The following KIF24 variants were observed in gnomAD, a reference collection of about 807,000 sequenced individuals.
KIF24 encodes kinesin family member 24.
In KIF24, 81 loss-of-function variants were observed where a neutral mutation model predicts 118.9. The observed-to-expected ratio is 0.68, with a 90% CI of 0.57 to 0.82. KIF24 has a LOEUF of 0.82. KIF24 is among the 40% of genes least tolerant of loss of function. KIF24 has a pLI of 0.00. For missense variants in KIF24, 1,560 were observed against 1,661.6 expected, an observed-to-expected ratio of 0.94 and a Z score of 1.06; for synonymous variants, 599 against 610.0, an observed-to-expected ratio of 0.98 and a Z score of 0.27.
intron 3 of KIF24, among the ~76,000 whole-genome samples, chr9:34,305,078 A>T (rs7042250): frequency 0.22 from 34,117 of 151,884 alleles, 4,476 homozygotes; most frequent in East Asian, 0.61. Context: ...CAATTTTAGG[A>T]GTACCTAAAT....
In KIF24 at chr9:34,257,894, A is replaced by T; in HGVS notation, c.1713T>A (p.Ile571=). The change falls in exon 11 of 13, where the codon ATT becomes ATA. Residue 571 remains isoleucine, a synonymous_variant. Transcript: ENST00000402558. ...CTGACAAAGCCCCAGGGGAGCTCTG[A>T]ATTCGTTTTGGAGAGGAGTTTCCAG... The part of the protein sequence containing the change: ...RTSGNSSPKR[I]QSSPGALSED... The T allele has an allele frequency of 6.2e-7, 1 of 1,613,982 alleles. No individual in the cohort carries two copies. The highest frequency in any genetic ancestry group is 8.5e-7 in the Non-Finnish European group (1 of 1,179,876).
intron 4 of KIF24, among the ~76,000 whole-genome samples, chr9:34,296,759 T>A (rs967970234): frequency 2.0e-5 from 3 of 152,020 alleles, no homozygotes; most frequent in African/African-American, 7.2e-5. Flanking sequence ...TTTCACTATC[T>A]ATCACAATAT....
At chr9:34,260,045 T>C (rs1834998796) in intron 9 of KIF24, among the ~76,000 whole-genome samples, 1 of 152,130 alleles carries the variant, frequency 6.6e-6, no homozygotes, top group Non-Finnish European at 1.5e-5. Context: ...GAGGGCAGTT[T>C]GGCAATATGT....
chr9:34,322,377 T>G (rs1837552747), intron 1 of KIF24, among the ~76,000 whole-genome samples: 1 of 144,778 alleles, frequency 6.9e-6, no homozygotes, highest in Non-Finnish European at 1.5e-5. Context: ...TAATGATCAC[T>G]TTTTTTTTTA....
chr9:34,318,635 T>C lies in KIF24; in HGVS notation c.-25-7264A>G, dbSNP rs1837408872. 10 of 1,532,142 alleles carry C rather than the reference T, an allele frequency of 6.5e-6. No homozygotes were observed. Among genetic ancestry groups the C allele is most frequent in the Admixed American group, 1.8e-5 (1 of 56,840 alleles). 94.9% of individuals were successfully genotyped at this position (1,532,142 alleles called of 1,614,324 possible). A position where few individuals can be genotyped will look rare whatever the true frequency, so the allele number is the denominator to read the frequency against. On this transcript the variant is annotated intron_variant, in intron 1 of 12. Transcript: ENST00000402558. This position sits in a 1 kb window ranked among gnomAD's most constrained non-coding sequence, Gnocchi z 4.9. ...GTCGCCCGTGGTGGTGGCCTCGTCG[T>C]TGGGGCTCGTGTCGCTGGGCGGCAA... is the stretch of plus-strand genomic sequence containing the variant.
In KIF24 at chr9:34,311,185, G is replaced by C; in HGVS notation, c.162C>G (p.Leu54=). The C allele has an allele frequency of 6.2e-7, 1 of 1,613,498 alleles. No homozygotes were observed. Residue 54 remains leucine, a synonymous_variant, in exon 2 of 13, where the codon CTC becomes CTG. Coordinates refer to ENST00000402558, the MANE Select transcript of KIF24 (RefSeq NM_194313.4). ...GVHDMNDRKR[L]FQLIKIIKIM... ...TCTTAATAATTTTGATAAGTTGGAAGAGACGTTTGCGGTCGTTCATGTCAT... is the reference window on the plus strand; with the variant it reads ...TCTTAATAATTTTGATAAGTTGGAACAGACGTTTGCGGTCGTTCATGTCAT...
upstream of KIF24, among the ~76,000 whole-genome samples, chr9:34,330,776 A>C (rs1837898470): frequency 6.6e-6 from 1 of 152,076 alleles, no homozygotes; most frequent in South Asian, 2.1e-4. Context: ...CCTGGCTGAC[A>C]CGGTGAAACC....
At chr9:34,290,416 T>A in intron 4 of KIF24, 27 bp from the exon 5 acceptor site, 5 of 1,363,542 alleles carry the variant, frequency 3.7e-6, no homozygotes, top group Non-Finnish European at 5.2e-6. Context: ...TTGCATTACT[T>A]ATGCATATTA....
intron 1 of KIF24, among the ~76,000 whole-genome samples, chr9:34,327,846 A>AATAAT (rs1554668269): frequency 6.7e-6 from 1 of 149,592 alleles, no homozygotes; most frequent in Non-Finnish European, 1.5e-5. Context: ...AATAAAAAAA[A>AATAAT]AATAATAATA....
Position 34,255,726 on chromosome 9 carries a change from C to A in KIF24, c.3872+9G>T. Reference sequence around the variant, plus strand: ...GGGGCTCAAGTCTTAGGGAAAGTGTCCAACTTACTGCGCTTGCTCCAGGGT... The same window carrying A: ...GGGGCTCAAGTCTTAGGGAAAGTGTACAACTTACTGCGCTTGCTCCAGGGT... On this transcript the variant is annotated intron_variant, in intron 11 of 12. Coordinates refer to ENST00000402558, the MANE Select transcript of KIF24 (RefSeq NM_194313.4). 6.3e-7 allele frequency: 1 copy of A among 1,599,280 alleles called. No homozygotes were observed. The highest frequency in any genetic ancestry group is 1.3e-5 in the African/African-American group (1 of 74,838).
chr9:34,328,999 A>T (rs1339455336), intron 1 of KIF24, among the ~76,000 whole-genome samples, 107 bp downstream of exon 1: 3 of 152,242 alleles, frequency 2.0e-5, no homozygotes, highest in Non-Finnish European at 4.4e-5. Flanking sequence ...CACAACTGCC[A>T]GTTTCCTCCC....
chr9:34,267,301 G>A (rs1346829776), intron 8 of KIF24, among the ~76,000 whole-genome samples: 1 of 152,002 alleles, frequency 6.6e-6, no homozygotes, highest in Admixed American at 6.6e-5. Context: ...AAAAATAAAG[G>A]CTGAAAGGAA....
chr9:34,319,730 G>A, intron 1 of KIF24: 1 of 658,680 alleles, frequency 1.5e-6, no homozygotes, highest in Non-Finnish European at 2.8e-6. Flanking sequence ...TGGGATTCGG[G>A]GGAGGTGAGG....
chr9:34,256,136 T>A lies in KIF24; in HGVS notation c.3471A>T (p.Arg1157Ser), dbSNP rs1489852905. ...GTTCGTGGGAGAAAAGTACAGTCTC[T>A]CTGCTCTGGCAGGCCTCTCCTAGGT... The part of the protein sequence containing the change: ...EADLGEACQS[R>S]ETVLFSHEHM... The change falls in exon 11 of 13, where the codon AGA (arginine) becomes AGT (serine). Residue 1157 changes from arginine to serine, a missense_variant. This residue lies in a region of KIF24 where 591 missense variants were observed against 655.6 expected (regional missense o/e 0.90). Transcript: ENST00000402558. The A allele has an allele frequency of 1.2e-6, 2 of 1,608,096 alleles. No homozygotes were observed. The highest frequency in any genetic ancestry group is 1.7e-6 in the Non-Finnish European group (2 of 1,175,332).
intron 1 of KIF24, among the ~76,000 whole-genome samples, chr9:34,326,763 T>TAA (rs1455533185): frequency 1.3e-5 from 2 of 152,154 alleles, no homozygotes; most frequent in East Asian, 3.8e-4. Context: ...CTGGGCCACA[T>TAA]AAAAGTGTCT....
At chr9:34,269,214 C>T in intron 8 of KIF24, 43 bp downstream of exon 8, 1 of 1,215,612 alleles carries the variant, frequency 8.2e-7, no homozygotes, top group Non-Finnish European at 1.2e-6. Flanking sequence ...AATGGGCAGT[C>T]TTTCAAGAAG....
intron 7 of KIF24, among the ~76,000 whole-genome samples, chr9:34,270,104 C>A (rs1351881740): frequency 6.6e-6 from 1 of 151,970 alleles, no homozygotes; most frequent in Admixed American, 6.6e-5. Flanking sequence ...TGCCTGTAGT[C>A]CCAGCTACTT....
chr9:34,308,941 G>C (rs566815705), intron 2 of KIF24, among the ~76,000 whole-genome samples: 7 of 152,046 alleles, frequency 4.6e-5, no homozygotes, highest in Non-Finnish European at 8.8e-5. Context: ...ATTAGCTGGG[G>C]ACAGTGGTGC....
At position 34,318,379 on chromosome 9, in the gene KIF24, G is replaced by A; in HGVS notation, c.-25-7008C>T. 1 of 678,250 alleles carries A rather than the reference G, an allele frequency of 1.5e-6. No homozygotes were observed. Among genetic ancestry groups the A allele is most frequent in the Admixed American group, 2.0e-5 (1 of 49,158 alleles). The allele number at this position is 678,250 out of a possible 1,614,324, so 42.0% of individuals were successfully genotyped here. A position where few individuals can be genotyped will look rare whatever the true frequency, so the allele number is the denominator to read the frequency against. ...GACCTAGCCCTGACAGGTCCATCGT[G>A]GTGCACGCAAACCACCTCCCAGCCA... is the stretch of plus-strand genomic sequence containing the variant. On this transcript the variant is annotated intron_variant, in intron 1 of 12. Transcript: ENST00000402558. This position sits in a 1 kb window ranked among gnomAD's most constrained non-coding sequence, Gnocchi z 4.9.
Sources: gnomAD v4.1 joint callset for allele counts (sites outside exome capture counted in the v4.1 genomes callset) on GRCh38, gnomAD v4.1.1 for gene constraint, gnomAD v4.1.1 regional missense constraint, Gnocchi (gnomAD v3.1) non-coding constraint, MANE v1.5 for transcripts, NCBI Gene and HGNC (gene_info 2026-07-23, HGNC 2026-07-21) for gene names.